ASTN2: variants seen among roughly 807,000 people sequenced by gnomAD.
The protein encoded by ASTN2 is astrotactin-2.
Under a neutral mutation model 139.8 loss-of-function variants are expected in ASTN2, and 54 were observed. The observed-to-expected ratio is 0.39, with a 90% CI of 0.31 to 0.48. ASTN2 has a LOEUF of 0.48. Among genes scored for constraint, ASTN2 ranks in the 20% least tolerant of loss-of-function variants. The probability of loss-of-function intolerance (pLI) is 0.95; values close to 1 mark genes in which losing one functional copy is unlikely to be tolerated. For missense variants in ASTN2, 1,565 were observed against 1,725.1 expected (o/e 0.91, Z 1.64); for synonymous variants, 756 against 719.5 (o/e 1.05, Z -0.81).
intron 19 of ASTN2, among the ~76,000 whole-genome samples, chr9:116,516,644 C>T (rs1264963677): frequency 1.3e-5 from 2 of 152,332 alleles, no homozygotes; most frequent in East Asian, 1.9e-4. Context: ...TAGATCACTG[C>T]TGCAGTCTCC....
Position 117,159,275 on chromosome 9 carries a change from A to G in ASTN2, c.1016-17797T>C, listed in dbSNP as rs1478190895. Among the ~76,000 whole-genome samples the G allele has an allele frequency of 2.6e-5, 4 of 152,050 alleles. No homozygotes were observed. In the South Asian group the frequency reaches 6.2e-4, roughly 24 times the overall value. On this transcript the variant is annotated intron_variant, in intron 3 of 22. Coordinates refer to ENST00000313400, the MANE Select transcript of ASTN2 (RefSeq NM_001365068.1). ...TTTAAAATCCCCCCTTCTTTGCACC[A>G]TTGTAATTAAGATAATGCAGAATAA...
chr9:116,433,855 G>A (rs557377438), intron 22 of ASTN2, among the ~76,000 whole-genome samples: 2 of 152,228 alleles, frequency 1.3e-5, no homozygotes, highest in African/African-American at 4.8e-5. Flanking sequence ...GAAAATGTTC[G>A]CATTTGCTTT....
chr9:116,616,637 G>C (rs1333842180), intron 19 of ASTN2, among the ~76,000 whole-genome samples: 1 of 152,272 alleles, frequency 6.6e-6, no homozygotes, highest in East Asian at 1.9e-4. Flanking sequence ...ATTCTGAGAA[G>C]AACGGCACCC....
intron 13 of ASTN2, among the ~76,000 whole-genome samples, chr9:116,780,334 T>C (rs1830185554): frequency 6.6e-6 from 1 of 152,192 alleles, no homozygotes. Context: ...CTTTAATAGG[T>C]AATGAAACCA....
chr9:116,607,689 A>G (rs1855283215), intron 19 of ASTN2, among the ~76,000 whole-genome samples: 1 of 120,350 alleles, frequency 8.3e-6, no homozygotes, highest in African/African-American at 3.2e-5. Flanking sequence ...ACACACACAC[A>G]CACACACACA....
intron 13 of ASTN2, among the ~76,000 whole-genome samples, chr9:116,789,452 T>C (rs1830473509): frequency 6.6e-6 from 1 of 152,226 alleles, no homozygotes. Flanking sequence ...CATTTTGGAC[T>C]CTTAAAAGCC....
At chr9:117,153,963 G>A (rs1286273028) in intron 3 of ASTN2, among the ~76,000 whole-genome samples, 1 of 152,052 alleles carries the variant, frequency 6.6e-6, no homozygotes. Flanking sequence ...AATATGGCTG[G>A]GAATGGGGAT....
chr9:117,000,467 G>C (rs1396329671), intron 7 of ASTN2, among the ~76,000 whole-genome samples: 1 of 152,218 alleles, frequency 6.6e-6, no homozygotes, highest in Non-Finnish European at 1.5e-5. Context: ...TTTATTTACA[G>C]AACTTGGTGT....
chr9:117,033,966 G>A (rs930876563), intron 6 of ASTN2, among the ~76,000 whole-genome samples: 1 of 152,148 alleles, frequency 6.6e-6, no homozygotes, highest in African/African-American at 2.4e-5. Flanking sequence ...TTCAACGCTT[G>A]TTATTGAATG....
chr9:116,954,348 G>A (rs1291056980), intron 10 of ASTN2, among the ~76,000 whole-genome samples: 2 of 152,152 alleles, frequency 1.3e-5, no homozygotes, highest in Non-Finnish European at 2.9e-5. Flanking sequence ...AATCACCTGG[G>A]GATCCTGTTA....
chr9:117,406,745 C>T (rs1227861622), intron 1 of ASTN2, among the ~76,000 whole-genome samples: 1 of 152,074 alleles, frequency 6.6e-6, no homozygotes, highest in Non-Finnish European at 1.5e-5. Flanking sequence ...CTCCTTATCT[C>T]AGAACTCTCG....
chr9:116,756,025 CAT>C (rs1015134710), intron 13 of ASTN2, among the ~76,000 whole-genome samples: 1 of 152,222 alleles, frequency 6.6e-6, no homozygotes, highest in African/African-American at 2.4e-5. Context: ...TGAGTGAATA[CAT>C]GTGTGTTCTT....
intron 2 of ASTN2, among the ~76,000 whole-genome samples, chr9:117,220,275 C>G (rs1016750217): frequency 2.0e-4 from 30 of 152,148 alleles, no homozygotes; most frequent in African/African-American, 7.0e-4. Flanking sequence ...CCCCTCATGA[C>G]TGGGTCCCTG....
At chr9:116,471,068 T>G (rs1288010599) in intron 20 of ASTN2, among the ~76,000 whole-genome samples, 3 of 152,248 alleles carry the variant, frequency 2.0e-5, no homozygotes, top group Non-Finnish European at 4.4e-5. Flanking sequence ...TTAATATCTG[T>G]GTAGAAGCCA....
chr9:116,493,047 A>G (rs539394341), intron 19 of ASTN2, among the ~76,000 whole-genome samples: 1 of 152,266 alleles, frequency 6.6e-6, no homozygotes, highest in African/African-American at 2.4e-5. Flanking sequence ...TTAAAGTTTT[A>G]TTGCTTAAAG....
chr9:117,180,719 G>A (rs574538229), intron 3 of ASTN2: 76 of 1,578,524 alleles, frequency 4.8e-5, no homozygotes, highest in Admixed American at 3.4e-4. Flanking sequence ...TGCAGGGCCC[G>A]CCACTTGTCC....
chr9:116,452,545 A>G (rs1239104327), intron 20 of ASTN2, among the ~76,000 whole-genome samples: 2 of 152,236 alleles, frequency 1.3e-5, no homozygotes, highest in African/African-American at 4.8e-5. Flanking sequence ...TGTATCAGAC[A>G]CAGTGCTAGA....
intron 1 of ASTN2, among the ~76,000 whole-genome samples, chr9:117,308,286 C>A (rs537624265): frequency 6.6e-6 from 1 of 152,248 alleles, no homozygotes; most frequent in South Asian, 2.1e-4. Flanking sequence ...ATTAATACTC[C>A]TTCACTTTCC....
intron 11 of ASTN2, among the ~76,000 whole-genome samples, chr9:116,834,275 G>C (rs1334268358): frequency 1.3e-5 from 2 of 151,928 alleles, no homozygotes; most frequent in Non-Finnish European, 2.9e-5. Flanking sequence ...TATTTTTGTT[G>C]GGCATAATGT....
Sources: allele counts gnomAD v4.1 joint callset (sites outside exome capture counted in the v4.1 genomes callset), GRCh38; gene constraint gnomAD v4.1.1; transcripts MANE v1.5; gene names NCBI Gene and HGNC (gene_info 2026-07-23, HGNC 2026-07-21).